Variants in EYA4 observed in about 807,000 individuals in gnomAD.
EYA4 encodes the protein protein phosphatase EYA4.
EYA4 carries 31 observed loss-of-function variants against 87.9 expected under a neutral mutation model. The ratio of observed to expected loss-of-function variants is 0.35; its 90% CI spans 0.27 to 0.48. The LOEUF is 0.48. Ranked by LOEUF, EYA4 falls within the 20% of genes least tolerant of loss-of-function variation. The pLI, the probability that EYA4 is intolerant of heterozygous loss-of-function variation, is 0.99. For synonymous variants in EYA4, 263 were observed against 270.6 expected (o/e 0.97, Z 0.28); for missense variants, 678 against 761.4 (o/e 0.89, Z 1.29).
intron 3 of EYA4, among the ~76,000 whole-genome samples, chr6:133,392,675 A>G (rs757402194): frequency 6.6e-6 from 1 of 152,246 alleles, no homozygotes; most frequent in Non-Finnish European, 1.5e-5. Flanking sequence ...TTTAAGAACA[A>G]ATACATGCAT....
Position 133,481,557 on chromosome 6 carries a change from C to T in EYA4, c.1065C>T (p.Gly355=). ...CTGGGTCAAAGTCCAGAGGAAGAGG[C>T]CGGAAAAATAATCCCTCCCCGCCTC... ...RSSGSKSRGR[G]RKNNPSPPPD... Residue 355 remains glycine, a synonymous_variant, in exon 12 of 20, where the codon GGC becomes GGT. Coordinates refer to ENST00000355286, the MANE Select transcript of EYA4 (RefSeq NM_004100.5). 1 of 1,613,922 alleles carries T rather than the reference C, an allele frequency of 6.2e-7. No homozygotes were observed. Among genetic ancestry groups the T allele is most frequent in the Non-Finnish European group, 8.5e-7 (1 of 1,179,896 alleles).
intron 5 of EYA4, among the ~76,000 whole-genome samples, chr6:133,454,906 C>G (rs970871247): frequency 6.6e-6 from 1 of 152,050 alleles, no homozygotes; most frequent in Non-Finnish European, 1.5e-5. Flanking sequence ...CAGCCTGATA[C>G]GGTGGAAAGA....
intron 2 of EYA4, among the ~76,000 whole-genome samples, chr6:133,345,138 T>G (rs1397342195): frequency 1.3e-5 from 2 of 152,250 alleles, no homozygotes; most frequent in African/African-American, 2.4e-5. Context: ...TTATCTAGCC[T>G]TTTGAAATGA....
chr6:133,409,340 A>G (rs895562771), intron 3 of EYA4, among the ~76,000 whole-genome samples: 1 of 152,082 alleles, frequency 6.6e-6, no homozygotes, highest in African/African-American at 2.4e-5. Context: ...ACACAAAAAA[A>G]GAAGTGTTAT....
chr6:133,371,494 T>C (rs1785263716), intron 2 of EYA4, among the ~76,000 whole-genome samples: 1 of 152,226 alleles, frequency 6.6e-6, no homozygotes. Flanking sequence ...AAATGTTACT[T>C]ATCAAAAATG....
chr6:133,285,294 T>G (rs921231854), intron 2 of EYA4, among the ~76,000 whole-genome samples: 1 of 152,056 alleles, frequency 6.6e-6, no homozygotes, highest in Non-Finnish European at 1.5e-5. Context: ...GAGGCCTCAC[T>G]GAGAAGATGT....
In EYA4 at chr6:133,489,445, C is replaced by G. The variant is rs551372757; in HGVS notation, c.1191+6330C>G. Among the ~76,000 whole-genome samples, 64 of 152,004 alleles carry G rather than the reference C, an allele frequency of 4.2e-4. No individual in the cohort carries two copies. In the South Asian group the frequency reaches 7.9e-3, roughly 19 times the overall value. The stretch of plus-strand genomic sequence containing the variant: ...AAATTTAACCCAAAAAAGACTATCT[C>G]AAAGCATTTGATAATCAAACCTCAA... On this transcript the variant is annotated intron_variant, in intron 13 of 19. Transcript: ENST00000355286.
intron 2 of EYA4, among the ~76,000 whole-genome samples, chr6:133,302,632 A>G (rs750568721): frequency 9.2e-5 from 14 of 152,242 alleles, no homozygotes; most frequent in Non-Finnish European, 1.9e-4. Context: ...ACACAAACAC[A>G]CACATGCTTA....
At chr6:133,488,864 G>T (rs956402597) in intron 13 of EYA4, among the ~76,000 whole-genome samples, 1 of 151,900 alleles carries the variant, frequency 6.6e-6, no homozygotes, top group Non-Finnish European at 1.5e-5. Context: ...AGACACTGGT[G>T]GGCATCCACA....
At chr6:133,335,554 A>G (rs1388560709) in intron 2 of EYA4, among the ~76,000 whole-genome samples, 1 of 152,204 alleles carries the variant, frequency 6.6e-6, no homozygotes, top group South Asian at 2.1e-4. Context: ...TATACAATCC[A>G]ACTGTCTTAA....
intron 2 of EYA4, among the ~76,000 whole-genome samples, chr6:133,318,293 A>C (rs1305082472): frequency 6.6e-6 from 1 of 152,206 alleles, no homozygotes; most frequent in Non-Finnish European, 1.5e-5. Context: ...GGGGAAAATT[A>C]TGAGAGGAAT....
intron 1 of EYA4, among the ~76,000 whole-genome samples, chr6:133,253,087 C>G (rs985200527): frequency 1.3e-5 from 2 of 151,612 alleles, no homozygotes; most frequent in Non-Finnish European, 2.9e-5. Context: ...TGTGTTTGAC[C>G]AAAATATTTT....
chr6:133,485,082 C>T (rs917498072), intron 13 of EYA4, among the ~76,000 whole-genome samples: 1 of 152,184 alleles, frequency 6.6e-6, no homozygotes, highest in African/African-American at 2.4e-5. Flanking sequence ...TCAATTTACT[C>T]ATAAACTGGC....
intron 6 of EYA4, among the ~76,000 whole-genome samples, chr6:133,457,609 G>T (rs558839648): frequency 3.3e-5 from 5 of 152,182 alleles, no homozygotes; most frequent in African/African-American, 9.6e-5. Context: ...CCGATTAGAA[G>T]CAGTTGCCAT....
intron 3 of EYA4, among the ~76,000 whole-genome samples, chr6:133,384,472 C>G (rs1786521775): frequency 6.6e-6 from 1 of 152,168 alleles, no homozygotes; most frequent in Non-Finnish European, 1.5e-5. Context: ...TGGGTAAAAT[C>G]AGGCAAATCA....
intron 2 of EYA4, 43 bp downstream of exon 2, chr6:133,274,856 C>T (rs1562235282): frequency 6.8e-7 from 1 of 1,466,874 alleles, no homozygotes; most frequent in Non-Finnish European, 9.6e-7. Flanking sequence ...GTTGCGATAA[C>T]ACTACTGAAA....
At chr6:133,403,360 T>C (rs1788425432) in intron 3 of EYA4, among the ~76,000 whole-genome samples, 1 of 152,212 alleles carries the variant, frequency 6.6e-6, no homozygotes. Context: ...GCTTTATTGA[T>C]ATTTTTCACA....
At position 133,273,097 on chromosome 6, in the gene EYA4, G is replaced by GTGTGTATATATATATATATATATATATA. The variant is rs142020137; in HGVS notation, c.-65-1618_-65-1617insGTGTATATATATATATATATATATATAT. On this transcript the variant is annotated intron_variant, in intron 1 of 19. Coordinates refer to ENST00000355286, the MANE Select transcript of EYA4 (RefSeq NM_004100.5). ...CAGAACTAATAGGAGATATATATAT[G>GTGTGTATATATATATATATATATATATA]TATATATATATATATATATAAAGGG... Among the ~76,000 whole-genome samples, 16 of 106,632 alleles carry GTGTGTATATATATATATATATATATATA rather than the reference G, an allele frequency of 1.5e-4. 1 individual carries two copies. The highest frequency in any genetic ancestry group is 4.8e-4 in the African/African-American group (15 of 31,494). 70.0% of individuals were successfully genotyped at this position (106,632 alleles called of 152,430 possible).
chr6:133,414,454 AC>A (rs1235512282), intron 3 of EYA4, among the ~76,000 whole-genome samples: 1 of 152,122 alleles, frequency 6.6e-6, no homozygotes, highest in Non-Finnish European at 1.5e-5. Context: ...ATTTGATGTT[AC>A]CTTTACTAGA....
Sources: allele counts gnomAD v4.1 joint callset (sites outside exome capture counted in the v4.1 genomes callset), GRCh38; gene constraint gnomAD v4.1.1; transcripts MANE v1.5; gene names NCBI Gene and HGNC (gene_info 2026-07-23, HGNC 2026-07-21).